The following CDH12 variants were observed in gnomAD, a reference collection of about 807,000 sequenced individuals.
The protein encoded by CDH12 is cadherin-12.
CDH12 carries 41 observed loss-of-function variants against 74.1 expected under a neutral mutation model. The observed-to-expected ratio is 0.55, with a 90% CI of 0.43 to 0.72. CDH12 has a LOEUF of 0.72. Among genes scored for constraint, CDH12 ranks in the 30% least tolerant of loss-of-function variants. The pLI is 0.00. For missense variants in CDH12, 945 were observed against 977.2 expected (o/e 0.97, Z 0.44); for synonymous variants, 399 against 355.0 (o/e 1.12, Z -1.39).
chr5:22,113,918 C>T (rs564800396), intron 4 of CDH12, among the ~76,000 whole-genome samples: 1 of 152,144 alleles, frequency 6.6e-6, no homozygotes, highest in Non-Finnish European at 1.5e-5. Context: ...ACTCTGACTT[C>T]AGCCAATCAG....
At chr5:22,732,751 A>T (rs1441443409) in intron 1 of CDH12, among the ~76,000 whole-genome samples, 1 of 151,800 alleles carries the variant, frequency 6.6e-6, no homozygotes, top group Non-Finnish European at 1.5e-5. Context: ...GCCAGAAGCT[A>T]GTAGAGAAGT....
chr5:21,993,174 T>C (rs1326820467), intron 5 of CDH12, among the ~76,000 whole-genome samples: 1 of 152,082 alleles, frequency 6.6e-6, no homozygotes, highest in Admixed American at 6.6e-5. Flanking sequence ...AGCCAAACCA[T>C]ATCACTTTGG....
chr5:22,634,198 A>G (rs955408888), intron 1 of CDH12, among the ~76,000 whole-genome samples: 1 of 152,328 alleles, frequency 6.6e-6, no homozygotes, highest in East Asian at 1.9e-4. Flanking sequence ...ACATGAAAAT[A>G]TAGACTATAG....
chr5:22,244,788 GAAAGAAAGAAAGAAAA>G (rs1177030107), intron 3 of CDH12, among the ~76,000 whole-genome samples: 1 of 131,272 alleles, frequency 7.6e-6, no homozygotes, highest in African/African-American at 2.8e-5. Flanking sequence ...AAGAAAGAAA[GAAAGAAAGAAAGAAAA>G]ATTCAAAGTA....
chr5:22,452,544 G>C (rs1745084595), intron 2 of CDH12, among the ~76,000 whole-genome samples: 2 of 151,786 alleles, frequency 1.3e-5, no homozygotes, highest in Non-Finnish European at 2.9e-5. Flanking sequence ...CTAGATCTCT[G>C]TTTCTCACCA....
intron 2 of CDH12, among the ~76,000 whole-genome samples, chr5:22,430,470 G>C (rs1744123639): frequency 6.6e-6 from 1 of 152,010 alleles, no homozygotes; most frequent in Non-Finnish European, 1.5e-5. Context: ...ATAGAAAATA[G>C]GAAATTGTGA....
At chr5:22,181,800 A>ATC (rs767454644) in intron 4 of CDH12, among the ~76,000 whole-genome samples, 8 of 151,058 alleles carry the variant, frequency 5.3e-5, no homozygotes, top group Non-Finnish European at 8.9e-5. Context: ...GTCATCCTTG[A>ATC]TCTCTCTCTC....
Position 22,507,018 on chromosome 5 carries a change from A to G in CDH12, c.-522-1654T>C, listed in dbSNP as rs193289215. 3.0e-4 allele frequency among the ~76,000 whole-genome samples: 45 copies of G among 152,240 alleles called. No homozygotes were observed. The East Asian group carries it at 3.1e-3, about 10-fold the overall frequency. On this transcript the variant is annotated intron_variant, in intron 1 of 14. Transcript: ENST00000382254. ...GTGATTCTTATAAAGATGTCCACAC[A>G]AGTGGACATGTTTATGATGCCTGAT...
chr5:21,822,432 A>C (rs1748424410), intron 8 of CDH12, among the ~76,000 whole-genome samples: 1 of 151,988 alleles, frequency 6.6e-6, no homozygotes, highest in Admixed American at 6.6e-5. Flanking sequence ...TTCAGGAAGA[A>C]AAAAAATGTT....
chr5:22,017,869 C>T (rs1216059647), intron 5 of CDH12, among the ~76,000 whole-genome samples: 8 of 151,574 alleles, frequency 5.3e-5, no homozygotes, highest in African/African-American at 1.2e-4. Flanking sequence ...AAGCAATTCT[C>T]GTGCTTCAGC....
chr5:22,144,800 T>C (rs1174435350), intron 4 of CDH12, among the ~76,000 whole-genome samples: 2 of 152,044 alleles, frequency 1.3e-5, no homozygotes, highest in Non-Finnish European at 2.9e-5. Context: ...TTATAAAAAT[T>C]CAAACCGTAT....
At chr5:22,639,432 CT>C (rs10706075) in intron 1 of CDH12, among the ~76,000 whole-genome samples, 52,847 of 115,444 alleles carry the variant, frequency 0.46, 8,904 homozygotes, top group African/African-American at 0.55. Context: ...TTTTCTTCTT[CT>C]TTTTTTTTTT....
intron 9 of CDH12, among the ~76,000 whole-genome samples, chr5:21,813,407 G>C (rs1037304725): frequency 6.6e-6 from 1 of 152,054 alleles, no homozygotes; most frequent in Non-Finnish European, 1.5e-5. Context: ...TTGAACCTGG[G>C]AGACAGAGGT....
rs138058333 is a variant in CDH12, at chr5:22,799,353, C to A, written c.-523+53705G>T. ...AAATCATACAGTAATGAAATATGTT[C>A]TTTCTTAAACTGAATAGGCTAGTTC... On this transcript the variant is annotated intron_variant, in intron 1 of 14. Coordinates refer to ENST00000382254, the MANE Select transcript of CDH12 (RefSeq NM_004061.5). Among the ~76,000 whole-genome samples the A allele has an allele frequency of 2.3e-3, 354 of 152,154 alleles. 3 individuals carry two copies. The highest frequency in any genetic ancestry group is 8.4e-3 in the African/African-American group (349 of 41,522).
At chr5:22,072,530 TTGTGTG>T (rs36214247) in intron 5 of CDH12, among the ~76,000 whole-genome samples, 40,530 of 146,204 alleles carry the variant, frequency 0.28, 5,674 homozygotes, top group African/African-American at 0.36. Flanking sequence ...TATAGCACTT[TTGTGTG>T]TGTGTGTGTG....
chr5:22,120,345 C>T (rs778543347), intron 4 of CDH12, among the ~76,000 whole-genome samples: 1 of 152,092 alleles, frequency 6.6e-6, no homozygotes, highest in Non-Finnish European at 1.5e-5. Flanking sequence ...ATTAGCCTCC[C>T]ATCCTCCATT....
chr5:22,272,335 G>A (rs1398646366), intron 3 of CDH12, among the ~76,000 whole-genome samples: 3 of 152,152 alleles, frequency 2.0e-5, no homozygotes, highest in African/African-American at 7.2e-5. Context: ...CTCTGGATTA[G>A]GTATTCATCC....
intron 1 of CDH12, chr5:22,580,810 T>G (rs941113312): frequency 4.4e-6 from 1 of 228,444 alleles, no homozygotes; most frequent in African/African-American, 2.2e-5. Flanking sequence ...CAACTTGATC[T>G]TATTAACAAC....
chr5:21,765,504 C>T (rs989523862), intron 11 of CDH12, among the ~76,000 whole-genome samples: 1 of 150,462 alleles, frequency 6.6e-6, no homozygotes, highest in Non-Finnish European at 1.5e-5. Context: ...CAAAATGATT[C>T]CTCCTAGGAG....
Sources: allele counts gnomAD v4.1 joint callset (sites outside exome capture counted in the v4.1 genomes callset), GRCh38; gene constraint gnomAD v4.1.1; transcripts MANE v1.5; gene names NCBI Gene and HGNC (gene_info 2026-07-23, HGNC 2026-07-21).